Variants in GRM8 observed in about 807,000 individuals in gnomAD.
GRM8 encodes glutamate metabotropic receptor 8, also known as metabotropic glutamate receptor 8.
In GRM8, 47 loss-of-function variants were observed where a neutral mutation model predicts 87.2. That is an observed-to-expected ratio of 0.54 (90% CI 0.43 to 0.69). The LOEUF (loss-of-function observed/expected upper bound fraction) is 0.69, where lower values mean the gene tolerates loss of function less well. GRM8 is among the 30% of genes least tolerant of loss of function. The pLI is 0.00. For synonymous variants in GRM8, 396 were observed against 404.5 expected (o/e 0.98, Z 0.25); for missense variants, 1,019 against 1,139.2 (o/e 0.89, Z 1.52).
intron 7 of GRM8, among the ~76,000 whole-genome samples, chr7:126,753,045 T>G (rs1296094697): frequency 1.3e-5 from 2 of 152,092 alleles, no homozygotes; most frequent in Non-Finnish European, 2.9e-5. Context: ...ATGACTAGCT[T>G]GAGGAATGGA....
chr7:126,867,673 A>G (rs1320158897), intron 6 of GRM8, among the ~76,000 whole-genome samples: 3 of 152,200 alleles, frequency 2.0e-5, no homozygotes, highest in African/African-American at 7.2e-5. Flanking sequence ...AATAATGCCA[A>G]CAGAGAAATG....
intron 7 of GRM8, among the ~76,000 whole-genome samples, chr7:126,714,966 TTG>T (rs1404662382): frequency 3.3e-5 from 5 of 152,274 alleles, no homozygotes; most frequent in Non-Finnish European, 7.3e-5. Context: ...ATGTCATCTG[TTG>T]TCAAGGTGAA....
chr7:127,033,865 T>C (rs1283067163), intron 3 of GRM8, among the ~76,000 whole-genome samples: 1 of 152,244 alleles, frequency 6.6e-6, no homozygotes, highest in African/African-American at 2.4e-5. Flanking sequence ...AACACATTGC[T>C]TTTAATCTAT....
chr7:126,762,308 GA>G (rs1563162369), intron 7 of GRM8, among the ~76,000 whole-genome samples: 1 of 151,816 alleles, frequency 6.6e-6, no homozygotes, highest in Non-Finnish European at 1.5e-5. Flanking sequence ...ACCTGGAAGA[GA>G]ACTCAAATAT....
chr7:127,106,862 G>C (rs1301652701), intron 2 of GRM8, 150 bp from the exon 3 acceptor site: 2 of 632,522 alleles, frequency 3.2e-6, no homozygotes, highest in Non-Finnish European at 5.7e-6. Flanking sequence ...AATTTAATTG[G>C]AAAGTATTTT....
chr7:126,973,190 A>T lies in GRM8; in HGVS notation c.728-68507T>A, dbSNP rs1413358716. ...CTGGGCCCCACTCTCAGAGTTTCTC[A>T]TACCTTAGGTCTGCAGTAGGGCCCC... On this transcript the variant is annotated intron_variant, in intron 3 of 10. Transcript: ENST00000339582. Among the ~76,000 whole-genome samples the T allele has an allele frequency of 4.6e-5, 7 of 152,294 alleles. No individual in the cohort carries two copies. The East Asian group carries it at 1.2e-3, about 25-fold the overall frequency.
At chr7:126,977,456 A>G (rs1022389810) in intron 3 of GRM8, among the ~76,000 whole-genome samples, 24 of 152,236 alleles carry the variant, frequency 1.6e-4, no homozygotes, top group Admixed American at 1.4e-3. Context: ...AATATGCTAA[A>G]GAGAGGACAA....
chr7:126,691,412 A>C (rs1261168783), intron 7 of GRM8, among the ~76,000 whole-genome samples: 5 of 152,190 alleles, frequency 3.3e-5, no homozygotes, highest in Non-Finnish European at 7.4e-5. Context: ...CCAGGCCCCC[A>C]AAAGTGCAGA....
intron 3 of GRM8, among the ~76,000 whole-genome samples, chr7:126,910,728 A>G (rs1803195106): frequency 6.6e-6 from 1 of 152,200 alleles, no homozygotes; most frequent in South Asian, 2.1e-4. Flanking sequence ...TACAAGAGCA[A>G]ATTTGTAAAC....
At chr7:126,836,917 T>C (rs1795866019) in intron 6 of GRM8, among the ~76,000 whole-genome samples, 1 of 152,206 alleles carries the variant, frequency 6.6e-6, no homozygotes, top group African/African-American at 2.4e-5. Flanking sequence ...CTGACAATTA[T>C]ATTATCTTAG....
chr7:126,525,014 G>A (rs1813617312), intron 9 of GRM8, among the ~76,000 whole-genome samples: 1 of 151,800 alleles, frequency 6.6e-6, no homozygotes, highest in African/African-American at 2.4e-5. Context: ...CTTTTTTAGT[G>A]TTTTAAAATT....
chr7:126,556,373 G>A (rs1164578039), intron 8 of GRM8, among the ~76,000 whole-genome samples: 2 of 149,890 alleles, frequency 1.3e-5, no homozygotes, highest in African/African-American at 2.5e-5. Flanking sequence ...TGGGCCAGGT[G>A]TGGTAGCTCA....
At chr7:126,743,770 C>T (rs1815301760) in intron 7 of GRM8, among the ~76,000 whole-genome samples, 1 of 152,052 alleles carries the variant, frequency 6.6e-6, no homozygotes. Context: ...AATAGTGGCT[C>T]TCAATGTAGT....
At chr7:126,633,086 G>A (rs939127831) in intron 7 of GRM8, among the ~76,000 whole-genome samples, 3 of 151,970 alleles carry the variant, frequency 2.0e-5, no homozygotes, top group Middle Eastern at 3.4e-3. Flanking sequence ...TGGAAGACCT[G>A]GAAGAATAAA....
At chr7:126,483,262 A>G (rs1463948857) in intron 9 of GRM8, among the ~76,000 whole-genome samples, 1 of 150,814 alleles carries the variant, frequency 6.6e-6, no homozygotes, top group Non-Finnish European at 1.5e-5. Context: ...GTCCCTAACC[A>G]AAATTGAAAA....
intron 3 of GRM8, among the ~76,000 whole-genome samples, chr7:126,913,433 C>A (rs1476419090): frequency 6.6e-6 from 1 of 152,176 alleles, no homozygotes; most frequent in Non-Finnish European, 1.5e-5. Flanking sequence ...ATTAGACTTA[C>A]AGTTTGACCA....
intron 8 of GRM8, among the ~76,000 whole-genome samples, chr7:126,575,177 T>G (rs1443074001): frequency 1.3e-5 from 2 of 151,868 alleles, no homozygotes; most frequent in African/African-American, 4.8e-5. Context: ...GCCTGAGTTC[T>G]GCCTCCTGTC....
intron 2 of GRM8, among the ~76,000 whole-genome samples, chr7:127,181,526 C>G (rs1794432988): frequency 6.6e-6 from 1 of 151,866 alleles, no homozygotes; most frequent in Non-Finnish European, 1.5e-5. Flanking sequence ...AAAAAAGAGC[C>G]CAAATAGCCA....
chr7:127,241,923 A>G (rs911402223), intron 2 of GRM8, among the ~76,000 whole-genome samples: 3 of 152,208 alleles, frequency 2.0e-5, no homozygotes, highest in African/African-American at 7.2e-5. Context: ...TGAGTTAACA[A>G]TAACTTTATT....
Sources: gnomAD v4.1 joint callset for allele counts (sites outside exome capture counted in the v4.1 genomes callset) on GRCh38, gnomAD v4.1.1 for gene constraint, MANE v1.5 for transcripts, NCBI Gene and HGNC (gene_info 2026-07-23, HGNC 2026-07-21) for gene names.